The following MAGI1 variants were observed in gnomAD, a reference collection of about 807,000 sequenced individuals.
MAGI1 encodes the protein membrane associated guanylate kinase, WW and PDZ domain containing 1, also known as membrane-associated guanylate kinase, WW and PDZ domain-containing protein 1.
In MAGI1, 58 loss-of-function variants were observed where a neutral mutation model predicts 139.9. That is an observed-to-expected ratio of 0.41 (90% CI 0.34 to 0.52). The LOEUF is 0.52. Among genes scored for constraint, MAGI1 ranks in the 20% least tolerant of loss-of-function variants. MAGI1 has a pLI of 0.12. For synonymous variants in MAGI1, 812 were observed against 737.9 expected (o/e 1.10, Z -1.63); for missense variants, 1,874 against 1,901.6 (o/e 0.99, Z 0.27).
intron 1 of MAGI1, among the ~76,000 whole-genome samples, chr3:65,693,890 T>C (rs1482314611): frequency 7.3e-6 from 1 of 136,800 alleles, no homozygotes; most frequent in Admixed American, 7.2e-5. Flanking sequence ...GCCTGGCTAA[T>C]TTTTGATTTT....
intron 1 of MAGI1, among the ~76,000 whole-genome samples, chr3:65,787,290 C>T (rs902324104): frequency 2.6e-5 from 4 of 151,890 alleles, no homozygotes; most frequent in African/African-American, 9.7e-5. Flanking sequence ...TAAGACACCT[C>T]GAGTTTATAA....
At chr3:65,618,528 A>G (rs2083490887) in intron 2 of MAGI1, among the ~76,000 whole-genome samples, 1 of 152,062 alleles carries the variant, frequency 6.6e-6, no homozygotes, top group Admixed American at 6.6e-5. Context: ...AAACGTCATT[A>G]TTTTAAGCAA....
intron 1 of MAGI1, among the ~76,000 whole-genome samples, chr3:65,768,666 A>C (rs1046564222): frequency 1.3e-5 from 2 of 152,352 alleles, no homozygotes; most frequent in Admixed American, 1.3e-4. Flanking sequence ...ACATCTATTA[A>C]TAAATGGCAA....
intron 1 of MAGI1, among the ~76,000 whole-genome samples, chr3:65,624,674 A>C (rs1186190838): frequency 6.6e-6 from 1 of 152,184 alleles, no homozygotes. Flanking sequence ...TAAGGGAATA[A>C]AATCTATGGA....
intron 2 of MAGI1, among the ~76,000 whole-genome samples, chr3:65,538,382 C>T (rs2079054529): frequency 6.6e-6 from 1 of 152,140 alleles, no homozygotes; most frequent in Admixed American, 6.5e-5. Flanking sequence ...AAAAGATACA[C>T]ACCATCCTTC....
intron 2 of MAGI1, among the ~76,000 whole-genome samples, chr3:65,521,288 A>G (rs2078142352): frequency 6.6e-6 from 1 of 151,490 alleles, no homozygotes; most frequent in African/African-American, 2.4e-5. Context: ...GCCAGAAGCA[A>G]TAAAATTCTG....
chr3:66,017,924 A>T (rs1013384738), intron 1 of MAGI1, among the ~76,000 whole-genome samples: 2 of 152,210 alleles, frequency 1.3e-5, no homozygotes, highest in African/African-American at 2.4e-5. Flanking sequence ...GAATGCTGAG[A>T]ACCAACAAGC....
chr3:65,490,340 T>C (rs887331742), intron 3 of MAGI1, among the ~76,000 whole-genome samples: 2 of 152,178 alleles, frequency 1.3e-5, no homozygotes, highest in Admixed American at 6.6e-5. Flanking sequence ...ACTCAGGCAG[T>C]GTGACAGCAG....
chr3:65,977,856 C>T (rs1203530860), intron 1 of MAGI1, among the ~76,000 whole-genome samples: 5 of 152,274 alleles, frequency 3.3e-5, no homozygotes, highest in East Asian at 3.9e-4. Context: ...TTTGCCGCCT[C>T]GGTGAATTGT....
At chr3:65,900,720 A>C (rs1391151933) in intron 1 of MAGI1, among the ~76,000 whole-genome samples, 2 of 152,222 alleles carry the variant, frequency 1.3e-5, no homozygotes, top group Non-Finnish European at 2.9e-5. Flanking sequence ...TTACCCCTAT[A>C]GGTTACAAAA....
intron 2 of MAGI1, among the ~76,000 whole-genome samples, chr3:65,601,388 T>C (rs2082475761): frequency 1.3e-5 from 2 of 152,144 alleles, no homozygotes; most frequent in African/African-American, 2.4e-5. Context: ...CAAAAATTCA[T>C]AATAAAATCT....
At chr3:65,492,837 G>A (rs1417403989) in intron 3 of MAGI1, among the ~76,000 whole-genome samples, 2 of 152,118 alleles carry the variant, frequency 1.3e-5, no homozygotes, top group East Asian at 1.9e-4. Flanking sequence ...CCAGCACTTT[G>A]GGAGGCCAAG....
chr3:65,979,672 G>A (rs187059208), intron 1 of MAGI1, among the ~76,000 whole-genome samples: 8 of 152,264 alleles, frequency 5.3e-5, no homozygotes, highest in Non-Finnish European at 7.3e-5. Flanking sequence ...GGAACCATGT[G>A]ACACCTCTGC....
At chr3:65,890,384 CA>C (rs1394908419) in intron 1 of MAGI1, among the ~76,000 whole-genome samples, 2 of 152,006 alleles carry the variant, frequency 1.3e-5, no homozygotes, top group Non-Finnish European at 2.9e-5. Context: ...AACAAACAAA[CA>C]AAAAAACTCA....
intron 1 of MAGI1, among the ~76,000 whole-genome samples, chr3:65,943,306 T>C (rs191800606): frequency 2.0e-5 from 3 of 152,284 alleles, no homozygotes; most frequent in Admixed American, 6.5e-5. Context: ...CCAGGCACAG[T>C]GGCTCACACC....
At chr3:65,381,039 C>G (rs1404101480) in intron 16 of MAGI1, among the ~76,000 whole-genome samples, 3 of 152,056 alleles carry the variant, frequency 2.0e-5, no homozygotes, top group Non-Finnish European at 4.4e-5. Flanking sequence ...AGTAATTCCA[C>G]TGATAGAAGA....
chr3:65,677,657 T>A (rs2087282776), intron 1 of MAGI1, among the ~76,000 whole-genome samples: 1 of 152,212 alleles, frequency 6.6e-6, no homozygotes, highest in African/African-American at 2.4e-5. Flanking sequence ...ACCTCACAGC[T>A]TTCTGCAGTT....
Position 65,493,526 on chromosome 3 carries a change from A to G in MAGI1, c.536T>C (p.Val179Ala). The G allele has an allele frequency of 6.2e-7, 1 of 1,614,114 alleles. No individual in the cohort carries two copies. Among genetic ancestry groups the G allele is most frequent in the East Asian group, 2.2e-5 (1 of 44,864 alleles). The change falls in exon 3 of 23, where the codon GTC becomes GCC. Residue 179 changes from valine (V) to alanine (A), a missense_variant. Val to Ala is a moderately conservative substitution (Grantham distance 64). Coordinates refer to ENST00000402939, the MANE Select transcript of MAGI1 (RefSeq NM_001033057.2). ...AAGTAACTCACCTTCATAGGTGCCG[A>G]CTTCCAGAAGAGTCCCACTCTGCTC... ...DLEQSGTLLE[V>A]GTYEGNYYGT...
At chr3:65,404,141 A>C (rs940830008) in intron 12 of MAGI1, among the ~76,000 whole-genome samples, 2 of 152,254 alleles carry the variant, frequency 1.3e-5, no homozygotes, top group Non-Finnish European at 2.9e-5. Flanking sequence ...CAAGGATCAG[A>C]GGGACTCATT....
Sources: gnomAD v4.1 joint callset for allele counts (sites outside exome capture counted in the v4.1 genomes callset) on GRCh38, gnomAD v4.1.1 for gene constraint, MANE v1.5 for transcripts, NCBI Gene and HGNC (gene_info 2026-07-23, HGNC 2026-07-21) for gene names.